The following SMYD3 variants were observed in gnomAD, a reference collection of about 807,000 sequenced individuals.
The protein encoded by SMYD3 is histone-lysine N-methyltransferase SMYD3.
Under a neutral mutation model 57.7 loss-of-function variants are expected in SMYD3, and 36 were observed. The ratio of observed to expected loss-of-function variants is 0.62; its 90% CI spans 0.48 to 0.82. The LOEUF (loss-of-function observed/expected upper bound fraction) is 0.82, where lower values mean the gene tolerates loss of function less well. Ranked by LOEUF, SMYD3 falls within the 40% of genes least tolerant of loss-of-function variation. The pLI, the probability that SMYD3 is intolerant of heterozygous loss-of-function variation, is 0.00. For missense variants in SMYD3, 515 were observed against 538.8 expected, an observed-to-expected ratio of 0.96 and a Z score of 0.44; for synonymous variants, 211 against 195.0, an observed-to-expected ratio of 1.08 and a Z score of -0.68.
In SMYD3 at chr1:246,344,618, T is replaced by TAAGTTA. The variant is rs965059431; in HGVS notation, c.229-9145_229-9144insTAACTT. On this transcript the variant is annotated intron_variant, in intron 2 of 11. Coordinates refer to ENST00000490107, the MANE Select transcript of SMYD3 (RefSeq NM_001167740.2). ...GGAGCAGAACTGCTGGGTCATACAG[T>TAAGTTA]AAGTACACCTTTAACATTATTACAA... is the stretch of plus-strand genomic sequence containing the variant. Among the ~76,000 whole-genome samples, 111 of 152,324 alleles carry TAAGTTA rather than the reference T, an allele frequency of 7.3e-4. 1 individual carries two copies. The highest frequency in any genetic ancestry group is 2.5e-3 in the African/African-American group (106 of 41,582).
chr1:245,927,994 C>A lies in SMYD3; in HGVS notation c.639G>T (p.Ser213=). ...AGAGGTGGGGCCCATTGAACACAAT[C>A]GAACAGTTGGGGTCACAGCTGTGAT... ...LLNHSCDPNC[S]IVFNGPHLLL... Residue 213 remains serine (S), a synonymous_variant, in exon 7 of 12, where the codon TCG becomes TCT. Transcript: ENST00000490107. The A allele has an allele frequency of 6.2e-7, 1 of 1,612,468 alleles. No individual in the cohort carries two copies. Among genetic ancestry groups the A allele is most frequent in the Non-Finnish European group, 8.5e-7 (1 of 1,179,130 alleles).
At chr1:245,899,551 T>C (rs1194390582) in intron 8 of SMYD3, among the ~76,000 whole-genome samples, 1 of 152,204 alleles carries the variant, frequency 6.6e-6, no homozygotes, top group African/African-American at 2.4e-5. Context: ...ATGTGTTAGA[T>C]ACAGCATGGA....
At chr1:246,459,451 A>G (rs1174404059) in intron 1 of SMYD3, among the ~76,000 whole-genome samples, 2 of 144,798 alleles carry the variant, frequency 1.4e-5, no homozygotes, top group South Asian at 2.2e-4. Flanking sequence ...GTCCCCCTTC[A>G]CTCTCTTGTT....
At chr1:246,118,961 C>T (rs12404212) in intron 5 of SMYD3, among the ~76,000 whole-genome samples, 22,029 of 151,974 alleles carry the variant, frequency 0.14, 2,120 homozygotes, top group African/African-American at 0.27. Flanking sequence ...TGAGGACCTT[C>T]TAAAGATGCT....
At chr1:246,415,371 A>AT (rs1486410002) in intron 1 of SMYD3, among the ~76,000 whole-genome samples, 1 of 152,168 alleles carries the variant, frequency 6.6e-6, no homozygotes, top group Non-Finnish European at 1.5e-5. Context: ...AATAGATAAA[A>AT]TGTATATCGT....
intron 1 of SMYD3, among the ~76,000 whole-genome samples, chr1:246,493,105 C>T (rs141356868): frequency 1.4e-4 from 21 of 151,984 alleles, no homozygotes; most frequent in African/African-American, 4.8e-4. Context: ...TACTTTATAT[C>T]ACTTTAAATA....
chr1:246,144,826 C>T (rs2061817592), intron 5 of SMYD3, among the ~76,000 whole-genome samples: 1 of 152,210 alleles, frequency 6.6e-6, no homozygotes, highest in South Asian at 2.1e-4. Flanking sequence ...CATGTTCCCA[C>T]TTCACAGAAG....
intron 5 of SMYD3, among the ~76,000 whole-genome samples, chr1:246,072,339 C>G (rs79048245): frequency 9.4e-4 from 81 of 86,564 alleles, no homozygotes; most frequent in South Asian, 2.9e-3. Context: ...TGCTCACTGT[C>G]GCTGCATCGT....
intron 10 of SMYD3, among the ~76,000 whole-genome samples, chr1:245,789,153 C>T (rs140925237): frequency 2.6e-5 from 4 of 152,280 alleles, no homozygotes; most frequent in South Asian, 4.1e-4. Flanking sequence ...ACAAGGTGTA[C>T]GTGGCACTAG....
intron 5 of SMYD3, among the ~76,000 whole-genome samples, chr1:246,115,498 C>A (rs1171308585): frequency 1.3e-5 from 2 of 152,120 alleles, no homozygotes; most frequent in East Asian, 3.9e-4. Context: ...GGAAAAAAAG[C>A]TCAAGAATAA....
At chr1:246,047,167 T>C (rs2059982090) in intron 5 of SMYD3, among the ~76,000 whole-genome samples, 1 of 152,236 alleles carries the variant, frequency 6.6e-6, no homozygotes, top group Non-Finnish European at 1.5e-5. Context: ...AAAGCTCATT[T>C]GCAATAATGT....
At chr1:245,946,665 G>A (rs889809444) in intron 5 of SMYD3, among the ~76,000 whole-genome samples, 1 of 152,118 alleles carries the variant, frequency 6.6e-6, no homozygotes, top group African/African-American at 2.4e-5. Context: ...AGTGGGGAGG[G>A]GGTTAAGCTA....
At chr1:246,000,616 C>G (rs2059021834) in intron 5 of SMYD3, among the ~76,000 whole-genome samples, 5 of 152,174 alleles carry the variant, frequency 3.3e-5, no homozygotes, top group Admixed American at 2.6e-4. Context: ...CCCTGGACAC[C>G]ACCATACACA....
intron 8 of SMYD3, among the ~76,000 whole-genome samples, chr1:245,873,650 T>A (rs570808977): frequency 2.0e-5 from 3 of 152,324 alleles, no homozygotes. Context: ...CCAACAGAGA[T>A]AAAAATGCTT....
chr1:246,186,070 A>G (rs2062635504), intron 5 of SMYD3, among the ~76,000 whole-genome samples: 1 of 152,182 alleles, frequency 6.6e-6, no homozygotes, highest in Admixed American at 6.5e-5. Flanking sequence ...ACCTTGCTCA[A>G]AGTAACATAA....
chr1:246,254,580 G>A (rs1431661273), intron 5 of SMYD3, among the ~76,000 whole-genome samples: 1 of 152,158 alleles, frequency 6.6e-6, no homozygotes, highest in Non-Finnish European at 1.5e-5. Flanking sequence ...GATGCCTCTG[G>A]CTTTGGGCTT....
chr1:246,040,887 G>A (rs993465945), intron 5 of SMYD3, among the ~76,000 whole-genome samples: 2 of 152,160 alleles, frequency 1.3e-5, no homozygotes, highest in African/African-American at 4.8e-5. Context: ...ATAGATGGTT[G>A]TGTCTTTTTC....
chr1:246,501,916 AC>A (rs2068461947), intron 1 of SMYD3, among the ~76,000 whole-genome samples: 1 of 152,192 alleles, frequency 6.6e-6, no homozygotes, highest in Non-Finnish European at 1.5e-5. Context: ...TCACTTAGCA[AC>A]CACTTCCCTA....
chr1:246,085,731 C>A (rs150452197), intron 5 of SMYD3, among the ~76,000 whole-genome samples: 116 of 152,228 alleles, frequency 7.6e-4, no homozygotes, highest in Middle Eastern at 3.4e-3. Context: ...CTTATGAAGT[C>A]TCCCATGTCA....
Sources: allele counts gnomAD v4.1 joint callset (sites outside exome capture counted in the v4.1 genomes callset), GRCh38; gene constraint gnomAD v4.1.1; transcripts MANE v1.5; gene names NCBI Gene and HGNC (gene_info 2026-07-23, HGNC 2026-07-21).